Variants in RPS6KC1 observed in about 807,000 individuals in gnomAD.
The protein encoded by RPS6KC1 is inactive ribosomal protein S6 kinase delta-1.
Under a neutral mutation model 103.8 loss-of-function variants are expected in RPS6KC1, and 54 were observed. That is an observed-to-expected ratio of 0.52 (90% CI 0.42 to 0.65). The LOEUF (loss-of-function observed/expected upper bound fraction) is 0.65. RPS6KC1 is among the 30% of genes least tolerant of loss of function. The pLI is 0.00. For synonymous variants in RPS6KC1, 439 were observed against 438.7 expected, an observed-to-expected ratio of 1.00 and a Z score of -0.01; for missense variants, 1,151 against 1,253.8, an observed-to-expected ratio of 0.92 and a Z score of 1.24.
chr1:213,071,138 C>G lies in RPS6KC1; in HGVS notation c.141+97C>G, dbSNP rs2078832751. ...GCCTGAATCATTTGTACATCAACCT[C>G]TTTTTTTTGAGACGGAGTTTCGCTC... On this transcript the variant is annotated intron_variant, in intron 2 of 14. Transcript: ENST00000366960. The G allele has an allele frequency of 1.0e-5, 7 of 690,114 alleles. 1 individual carries two copies. The South Asian group carries it at 1.4e-4, about 14-fold the overall frequency. 42.7% of individuals were successfully genotyped at this position (690,114 alleles called of 1,614,324 possible).
chr1:213,369,229 G>T, the RPS6KC1 span, among the ~76,000 whole-genome samples: 6 of 152,200 alleles, frequency 3.9e-5, no homozygotes, highest in African/African-American at 1.4e-4. Flanking sequence ...GGGCATGAGT[G>T]AGATTTCTTT....
chr1:213,361,297 G>A, the RPS6KC1 span, among the ~76,000 whole-genome samples: 2 of 152,352 alleles, frequency 1.3e-5, no homozygotes, highest in African/African-American at 2.4e-5. Flanking sequence ...CTTGCAGTTC[G>A]ATTTCAGACT....
intron 3 of RPS6KC1, among the ~76,000 whole-genome samples, chr1:213,099,247 C>T (rs891462186): frequency 6.6e-6 from 1 of 152,088 alleles, no homozygotes; most frequent in Non-Finnish European, 1.5e-5. Flanking sequence ...TAAAATTCAT[C>T]TGTGTTTTTT....
chr1:213,814,623 G>A, the RPS6KC1 span, among the ~76,000 whole-genome samples: 1 of 152,242 alleles, frequency 6.6e-6, no homozygotes, highest in Non-Finnish European at 1.5e-5. Flanking sequence ...TAAAATCCAT[G>A]TCACTAACCA....
the RPS6KC1 span, among the ~76,000 whole-genome samples, chr1:213,665,335 G>GA: frequency 1.6e-4 from 24 of 151,596 alleles, no homozygotes; most frequent in Admixed American, 2.0e-4. Context: ...AGCAATAAGG[G>GA]AAAAAAATCA....
In RPS6KC1 at chr1:213,242,015, A is replaced by G. The variant is rs779737542; in HGVS notation, c.2539A>G (p.Thr847Ala). 3 of 1,614,052 alleles carry G rather than the reference A, an allele frequency of 1.9e-6. No homozygotes were observed. The highest frequency in any genetic ancestry group is 2.2e-5 in the South Asian group (2 of 91,076). ...TLKTEEVLLFTDQTDDLAKEE... is the reference protein window; with the variant it reads ...TLKTEEVLLFADQTDDLAKEE... ...AAAAACAGAAGAAGTATTGCTGTTT[A>G]CAGATCAGACTGATGATTTGGCTAA... Residue 847 changes from threonine to alanine, a missense_variant, in exon 11 of 15, where the codon ACA (threonine) becomes GCA (alanine). Thr to Ala is a moderately conservative substitution (Grantham distance 58). Around this residue, in one of 3 missense-constraint regions of RPS6KC1, gnomAD observed 959 missense variants for 1,006.3 expected, o/e 0.95. Transcript: ENST00000366960.
chr1:213,242,798 A>C (rs994799322), intron 12 of RPS6KC1, 140 bp downstream of exon 12: 1 of 632,846 alleles, frequency 1.6e-6, no homozygotes. Context: ...CCCTTCAAAA[A>C]AGAAAATTTG....
intron 8 of RPS6KC1, among the ~76,000 whole-genome samples, chr1:213,220,686 TC>T (rs1307539472): frequency 9.2e-5 from 14 of 152,216 alleles, no homozygotes; most frequent in Non-Finnish European, 1.5e-4. Flanking sequence ...CTAGAAAATA[TC>T]TTTTATACTT....
At chr1:213,685,613 A>T in the RPS6KC1 span, among the ~76,000 whole-genome samples, 1 of 151,326 alleles carries the variant, frequency 6.6e-6, no homozygotes, top group Admixed American at 6.6e-5. Context: ...CTGGCTGAAA[A>T]AGTGAGACTC....
At chr1:213,189,609 G>T (rs570892626) in intron 8 of RPS6KC1, among the ~76,000 whole-genome samples, 9 of 152,212 alleles carry the variant, frequency 5.9e-5, no homozygotes, top group Admixed American at 2.6e-4. Flanking sequence ...TATCAAGGGA[G>T]ATGGGTATCC....
chr1:213,074,045 T>C (rs1158781090), intron 2 of RPS6KC1, among the ~76,000 whole-genome samples: 1 of 152,162 alleles, frequency 6.6e-6, no homozygotes, highest in East Asian at 1.9e-4. Flanking sequence ...ATAAAATCCA[T>C]AAGCAAATAG....
chr1:213,079,854 A>G (rs1348703450), intron 3 of RPS6KC1, among the ~76,000 whole-genome samples: 2 of 150,928 alleles, frequency 1.3e-5, no homozygotes, highest in Non-Finnish European at 3.0e-5. Context: ...CTGAATTTTA[A>G]TCCTTTTTTT....
the RPS6KC1 span, among the ~76,000 whole-genome samples, chr1:213,727,840 G>A: frequency 1.1e-4 from 17 of 152,338 alleles, no homozygotes; most frequent in Middle Eastern, 3.4e-3. Flanking sequence ...TTTTAGGAAA[G>A]AAAGTTGTGG....
the RPS6KC1 span, among the ~76,000 whole-genome samples, chr1:213,610,839 A>G: frequency 6.6e-6 from 1 of 152,226 alleles, no homozygotes; most frequent in Admixed American, 6.5e-5. Flanking sequence ...GGATTCAGCC[A>G]ATCAAGTCAA....
the RPS6KC1 span, among the ~76,000 whole-genome samples, chr1:213,292,225 A>G: frequency 3.3e-5 from 5 of 150,934 alleles, no homozygotes; most frequent in East Asian, 9.7e-4. Flanking sequence ...CATTGTGCAC[A>G]TGTACCCTAA....
chr1:213,355,087 G>T, the RPS6KC1 span, among the ~76,000 whole-genome samples: 3 of 152,222 alleles, frequency 2.0e-5, no homozygotes, highest in Admixed American at 6.5e-5. Context: ...GTGTGGTGGC[G>T]TATGCCTATA....
At chr1:213,668,396 C>T in the RPS6KC1 span, among the ~76,000 whole-genome samples, 17 of 113,400 alleles carry the variant, frequency 1.5e-4, no homozygotes, top group South Asian at 1.6e-3. Context: ...ACCTTCCCCC[C>T]GCCGCACCAC....
chr1:213,084,000 C>G (rs1339413319), intron 3 of RPS6KC1, among the ~76,000 whole-genome samples: 1 of 152,130 alleles, frequency 6.6e-6, no homozygotes, highest in Non-Finnish European at 1.5e-5. Context: ...AGGGATGTTT[C>G]AAACTTACAG....
the RPS6KC1 span, among the ~76,000 whole-genome samples, chr1:213,690,528 G>A: frequency 6.6e-6 from 1 of 152,296 alleles, no homozygotes; most frequent in South Asian, 2.1e-4. Flanking sequence ...CAATCAAAGG[G>A]AGTTCCTGCC....
Sources: gnomAD v4.1 joint callset for allele counts (sites outside exome capture counted in the v4.1 genomes callset) on GRCh38, gnomAD v4.1.1 for gene constraint, gnomAD v4.1.1 regional missense constraint, MANE v1.5 for transcripts, NCBI Gene and HGNC (gene_info 2026-07-23, HGNC 2026-07-21) for gene names.